Variants in UBIAD1 observed in about 807,000 individuals in gnomAD.
UBIAD1 encodes ubiA prenyltransferase domain-containing protein 1.
A neutral mutation model predicts 20.1 loss-of-function variants in UBIAD1; 12 were observed. The observed-to-expected ratio is 0.60, with a 90% confidence interval of 0.38 to 0.97. The LOEUF is 0.97. Among genes scored for constraint, UBIAD1 ranks in the 50% least tolerant of loss-of-function variants. The probability of loss-of-function intolerance (pLI) is 0.00; values close to 1 mark genes in which losing one functional copy is unlikely to be tolerated. For synonymous variants in UBIAD1, 207 were observed against 189.2 expected, an observed-to-expected ratio of 1.09 and a Z score of -0.77; for missense variants, 333 against 419.5, an observed-to-expected ratio of 0.79 and a Z score of 1.80.
Position 11,288,400 on chromosome 1 carries a change from C to T in UBIAD1, c.*2269C>T, listed in dbSNP as rs1433472125. On this transcript the variant is annotated 3_prime_UTR_variant, in exon 2 of 2. Transcript: ENST00000376810. ...TGAGTCAATGAAGGTTTTCTTTAGA[C>T]TTCTTAATTAAAAAGAGAAGAAAGA... is the stretch of plus-strand genomic sequence containing the variant. 1.3e-5 allele frequency: 2 copies of T among 152,204 alleles called. No individual in the cohort carries two copies. Among genetic ancestry groups the T allele is most frequent in the Non-Finnish European group, 2.9e-5 (2 of 68,038 alleles). The allele number at this position is 152,204 out of a possible 1,614,324, so 9.4% of individuals were successfully genotyped here. A position where few individuals can be genotyped will look rare whatever the true frequency, so the allele number is the denominator to read the frequency against.
chr1:11,289,368 G>A (rs1166648806), downstream of UBIAD1, among the ~76,000 whole-genome samples: 1 of 152,118 alleles, frequency 6.6e-6, no homozygotes, highest in Non-Finnish European at 1.5e-5. Context: ...ACAATTAGGA[G>A]CCTCATAAAT....
At chr1:11,292,833 CTG>C (rs1158986184), downstream of UBIAD1, among the ~76,000 whole-genome samples, 2 of 152,136 alleles carry the variant, frequency 1.3e-5, no homozygotes, top group African/African-American at 4.8e-5. Flanking sequence ...GGGCTCCAGA[CTG>C]TGCAGGCTGG....
intron 1 of UBIAD1, among the ~76,000 whole-genome samples, chr1:11,283,627 G>C (rs1285283754): frequency 6.6e-6 from 1 of 152,112 alleles, no homozygotes; most frequent in East Asian, 1.9e-4. Context: ...CTTCCCTGGA[G>C]ATACTTTGTT....
chr1:11,273,431 G>A lies in UBIAD1; in HGVS notation c.-101G>A, dbSNP rs1197447011. The A allele has an allele frequency of 6.8e-7, 1 of 1,480,010 alleles. No individual in the cohort carries two copies. Among genetic ancestry groups the A allele is most frequent in the Non-Finnish European group, 9.3e-7 (1 of 1,076,490 alleles). The allele number at this position is 1,480,010 out of a possible 1,614,324, so 91.7% of individuals were successfully genotyped here. A position where few individuals can be genotyped will look rare whatever the true frequency, so the allele number is the denominator to read the frequency against. On this transcript the variant is annotated 5_prime_UTR_variant, in exon 1 of 2. Coordinates refer to ENST00000376810, the MANE Select transcript of UBIAD1 (RefSeq NM_013319.3). The surrounding 1 kb of genome is among the most constrained non-coding windows in gnomAD (Gnocchi z 4.9). ...AGCCCTGTCCTGGGGCGGAACCGAA[G>A]GAAGGTCGGGCCCTGCTGCCCCGCC...
At chr1:11,280,227 G>A (rs1445907263) in intron 1 of UBIAD1, among the ~76,000 whole-genome samples, 2 of 152,166 alleles carry the variant, frequency 1.3e-5, no homozygotes, top group African/African-American at 4.8e-5. Context: ...CAAATGTGGT[G>A]GGTGAGAGAG....
chr1:11,293,036 AGGCTTGCAAAC>A (rs1177734951), downstream of UBIAD1, among the ~76,000 whole-genome samples: 1 of 152,126 alleles, frequency 6.6e-6, no homozygotes, highest in Non-Finnish European at 1.5e-5. Context: ...GCTCATCAGG[AGGCTTGCAAAC>A]GGCTTCCTGG....
intron 1 of UBIAD1, among the ~76,000 whole-genome samples, chr1:11,276,023 G>C (rs1652012254): frequency 6.6e-6 from 1 of 152,136 alleles, no homozygotes. Context: ...CTTGGCTCTG[G>C]AATGGAGGAG....
chr1:11,285,771 C>A lies in UBIAD1; in HGVS notation c.657C>A (p.Ile219=). ...CCATCTTCCCACTGGTCTATGCCAT[C>A]CCCCTCGCCCTCAGCACCGAGGCCA... ...SLAIFPLVYA[I]PLALSTEAIL... is the part of the protein sequence containing the mutation. The change falls in exon 2 of 2, where the codon ATC becomes ATA. Residue 219 remains isoleucine, a synonymous_variant. Coordinates refer to ENST00000376810, the MANE Select transcript of UBIAD1 (RefSeq NM_013319.3). The surrounding 1 kb of genome is among the most constrained non-coding windows in gnomAD (Gnocchi z 4.4). The A allele has an allele frequency of 1.2e-6, 2 of 1,614,188 alleles. No homozygotes were observed. Among genetic ancestry groups the A allele is most frequent in the Non-Finnish European group, 8.5e-7 (1 of 1,180,034 alleles).
chr1:11,291,118 C>T (rs1202238387), downstream of UBIAD1, among the ~76,000 whole-genome samples: 2 of 152,152 alleles, frequency 1.3e-5, no homozygotes, highest in African/African-American at 2.4e-5. Flanking sequence ...GGAGAATTAG[C>T]GTCCAGAATA....
chr1:11,285,756 A>T lies in UBIAD1; in HGVS notation c.642A>T (p.Pro214=). The T allele has an allele frequency of 1.2e-6, 2 of 1,613,978 alleles. No individual in the cohort carries two copies. The highest frequency in any genetic ancestry group is 1.7e-6 in the Non-Finnish European group (2 of 1,179,982). ...AIQVGSLAIF[P]LVYAIPLALS... is the part of the protein sequence containing the mutation. ...AGGTGGGGTCCCTGGCCATCTTCCC[A>T]CTGGTCTATGCCATCCCCCTCGCCC... Residue 214 remains proline (P), a synonymous_variant, in exon 2 of 2, where the codon CCA becomes CCT. Coordinates refer to ENST00000376810, the MANE Select transcript of UBIAD1 (RefSeq NM_013319.3). The surrounding 1 kb of genome is among the most constrained non-coding windows in gnomAD (Gnocchi z 4.4).
rs1347153195 is a variant in UBIAD1 at position 11,286,358 on chromosome 1, A to C, written c.*227A>C. 1.7e-6 allele frequency: 1 copy of C among 601,776 alleles called. No individual in the cohort carries two copies. 37.3% of individuals were successfully genotyped at this position (601,776 alleles called of 1,614,324 possible). The stretch of plus-strand genomic sequence containing the variant: ...AAAACCATTCTTGTATCAGAAGGTG[A>C]ATTAGGCGCATGGTCTTTGTTTTAT... On this transcript the variant is annotated 3_prime_UTR_variant, in exon 2 of 2. Coordinates refer to ENST00000376810, the MANE Select transcript of UBIAD1 (RefSeq NM_013319.3).
At chr1:11,278,300 G>A (rs1652125935) in intron 1 of UBIAD1, among the ~76,000 whole-genome samples, 1 of 152,034 alleles carries the variant, frequency 6.6e-6, no homozygotes, top group Admixed American at 6.6e-5. Flanking sequence ...AAACACACAT[G>A]CTTCCACTGC....
At chr1:11,289,590 T>C (rs558438438), downstream of UBIAD1, among the ~76,000 whole-genome samples, 13 of 152,246 alleles carry the variant, frequency 8.5e-5, no homozygotes, top group African/African-American at 2.9e-4. Flanking sequence ...TTTGAGACTA[T>C]GTCTCAGTGT....
chr1:11,297,516 G>A (rs1292168216), downstream of UBIAD1, among the ~76,000 whole-genome samples: 1 of 152,048 alleles, frequency 6.6e-6, no homozygotes, highest in African/African-American at 2.4e-5. Flanking sequence ...TCCATTTGGT[G>A]ATTCCGAGGG....
At chr1:11,284,351 G>C (rs956811432) in intron 1 of UBIAD1, among the ~76,000 whole-genome samples, 2 of 152,160 alleles carry the variant, frequency 1.3e-5, no homozygotes, top group Admixed American at 6.5e-5. Flanking sequence ...GAGAGGTAGG[G>C]CTGGGCCACA....
chr1:11,275,920 GGA>G (rs368463936), intron 1 of UBIAD1, among the ~76,000 whole-genome samples: 2 of 152,256 alleles, frequency 1.3e-5, no homozygotes, highest in African/African-American at 4.8e-5. Flanking sequence ...TGTGAATGAA[GGA>G]GAGAGTAAAG....
Position 11,286,255 on chromosome 1 carries a change from A to T in UBIAD1, c.*124A>T, listed in dbSNP as rs2101023565. On this transcript the variant is annotated 3_prime_UTR_variant, in exon 2 of 2. Transcript: ENST00000376810. ...AAGCATGGGTGGGAACTCCTGCCTT[A>T]TAAAAATTGTTTTTGTGTTCTTAAA... 1 of 1,284,270 alleles carries T rather than the reference A, an allele frequency of 7.8e-7. No individual in the cohort carries two copies. The highest frequency in any genetic ancestry group is 2.4e-5 in the East Asian group (1 of 40,846). 79.6% of individuals were successfully genotyped at this position (1,284,270 alleles called of 1,614,324 possible). A position where few individuals can be genotyped will look rare whatever the true frequency, so the allele number is the denominator to read the frequency against.
chr1:11,292,668 T>TATATACACACACACACAC (rs1223161585), downstream of UBIAD1, among the ~76,000 whole-genome samples: 1 of 140,648 alleles, frequency 7.1e-6, no homozygotes, highest in Non-Finnish European at 1.5e-5. Context: ...ATTTTATGTA[T>TATATACACACACACACAC]ACACACACAC....
chr1:11,289,205 T>C (rs1381636480), downstream of UBIAD1, among the ~76,000 whole-genome samples: 1 of 152,210 alleles, frequency 6.6e-6, no homozygotes, highest in Admixed American at 6.5e-5. Flanking sequence ...CTGATCAGCA[T>C]GTCAGTGGCA....
Sources: gnomAD v4.1 joint callset for allele counts (sites outside exome capture counted in the v4.1 genomes callset) on GRCh38, gnomAD v4.1.1 for gene constraint, Gnocchi (gnomAD v3.1) non-coding constraint, MANE v1.5 for transcripts, NCBI Gene and HGNC (gene_info 2026-07-23, HGNC 2026-07-21) for gene names.